Variants in COL5A1 observed in about 807,000 individuals in gnomAD.
COL5A1 encodes the protein collagen type V alpha 1 chain.
A neutral mutation model predicts 263.7 loss-of-function variants in COL5A1; 16 were observed. The ratio of observed to expected loss-of-function variants is 0.06; its 90% CI spans 0.04 to 0.09. The LOEUF (loss-of-function observed/expected upper bound fraction) is 0.09. Among genes scored for constraint, COL5A1 ranks in the 10% least tolerant of loss-of-function variants. The probability of loss-of-function intolerance (pLI) is 1.00; values close to 1 mark genes in which losing one functional copy is unlikely to be tolerated. For missense variants in COL5A1, 2,036 were observed against 2,540.5 expected, an observed-to-expected ratio of 0.80 and a Z score of 4.27; for synonymous variants, 1,012 against 1,004.5, an observed-to-expected ratio of 1.01 and a Z score of -0.14.
At chr9:134,736,338 G>C in intron 9 of COL5A1, among the ~76,000 whole-genome samples, 1 of 152,256 alleles carries the variant, frequency 6.6e-6, no homozygotes, top group East Asian at 1.9e-4. Context: ...GGGCCTTCTT[G>C]CTGTGTCCTC....
intron 18 of COL5A1, among the ~76,000 whole-genome samples, chr9:134,759,416 CACACTCATA>C (rs1836148179): frequency 2.1e-5 from 3 of 140,890 alleles, no homozygotes; most frequent in South Asian, 4.6e-4. Flanking sequence ...CACACACACC[CACACTCATA>C]CACACATGCA....
intron 7 of COL5A1, among the ~76,000 whole-genome samples, chr9:134,731,089 G>A (rs1198664001): frequency 1.3e-5 from 2 of 152,222 alleles, no homozygotes; most frequent in Non-Finnish European, 2.9e-5. Flanking sequence ...TGTAGCACAT[G>A]GCCGATGCTT....
chr9:134,764,650 C>T (rs758849706), intron 20 of COL5A1, among the ~76,000 whole-genome samples: 3 of 152,118 alleles, frequency 2.0e-5, no homozygotes, highest in Non-Finnish European at 4.4e-5. Context: ...AGCCCGGCTG[C>T]GTGCGTCAGG....
intron 4 of COL5A1, among the ~76,000 whole-genome samples, chr9:134,713,635 G>C (rs889912693): frequency 2.0e-5 from 3 of 152,238 alleles, no homozygotes; most frequent in African/African-American, 7.2e-5. Flanking sequence ...GCCAGGAGAA[G>C]CGGCAGTGAA....
chr9:134,824,628 T>C lies in COL5A1; in HGVS notation c.4727T>C (p.Leu1576Pro). 1 of 1,614,124 alleles carries C rather than the reference T, an allele frequency of 6.2e-7. No homozygotes were observed. The highest frequency in any genetic ancestry group is 8.5e-7 in the Non-Finnish European group (1 of 1,180,024). ...PGPPGEVIQP[L>P]PIQASRTRRN... ...CCCCCGGGAGAGGTCATCCAGCCCC[T>C]GCCAATCCAGGCATCCAGGACGCGG... is the stretch of plus-strand genomic sequence containing the variant. Residue 1576 changes from leucine to proline, a missense_variant, in exon 62 of 66, where the codon CTG (leucine) becomes CCG (proline). Coordinates refer to ENST00000371817, the MANE Select transcript of COL5A1 (RefSeq NM_000093.5).
chr9:134,688,275 G>A (rs1370170559), intron 1 of COL5A1, among the ~76,000 whole-genome samples: 1 of 152,152 alleles, frequency 6.6e-6, no homozygotes, highest in African/African-American at 2.4e-5. Context: ...AGAGCATCAC[G>A]GGCTTGTTAT....
chr9:134,716,981 TCG>T lies in COL5A1; in HGVS notation c.655-10284_655-10283del, dbSNP rs141413214. Among the ~76,000 whole-genome samples the T allele has an allele frequency of 8.2e-3, 1,250 of 152,164 alleles. 13 individuals are homozygous for T. Among genetic ancestry groups the T allele is most frequent in the African/African-American group, 0.028 (1,175 of 41,524 alleles). On this transcript the variant is annotated intron_variant, in intron 4 of 65. Transcript: ENST00000371817. The surrounding 1 kb of genome is among the most constrained non-coding windows in gnomAD (Gnocchi z 4.5). The stretch of plus-strand genomic sequence containing the variant: ...GACACTCTCGTTAATAGTGTGAAAC[TCG>T]TTCTCACAGGTGCTGTGAAAACCAT...
In COL5A1 at chr9:134,794,235, C is replaced by T. The variant is rs1032585006; in HGVS notation, c.2701-847C>T. On this transcript the variant is annotated intron_variant, in intron 32 of 65. Transcript: ENST00000371817. This position sits in a 1 kb window ranked among gnomAD's most constrained non-coding sequence, Gnocchi z 4.3. ...ACTCAGGAGGCTGAGGCAGGAGAAT[C>T]GCTTGAACCTGGGAGGCGGAGGTTG... is the stretch of plus-strand genomic sequence containing the variant. Among the ~76,000 whole-genome samples the T allele has an allele frequency of 3.3e-5, 5 of 151,850 alleles. No individual in the cohort carries two copies. The highest frequency in any genetic ancestry group is 2.1e-4 in the South Asian group (1 of 4,820).
chr9:134,763,779 G>C (rs368784912), intron 20 of COL5A1, 42 bp downstream of exon 20: 16 of 1,595,596 alleles, frequency 1.0e-5, no homozygotes, highest in Non-Finnish European at 1.3e-5. Context: ...GCTCAGTGTG[G>C]AGAAAGGCTT....
Position 134,796,350 on chromosome 9 carries a change from T to TC in COL5A1, c.2800-18dup, listed in dbSNP as rs749260939. On this transcript the variant is annotated intron_variant, in intron 34 of 65. Coordinates refer to ENST00000371817, the MANE Select transcript of COL5A1 (RefSeq NM_000093.5). ...CCAAATAATAACAATCATAAGCTTT[T>TC]CCCCCCTCTCCTTCCCTCTCAAGGG... The TC allele has an allele frequency of 3.1e-6, 5 of 1,612,640 alleles. No individual in the cohort carries two copies. The highest frequency in any genetic ancestry group is 2.2e-5 in the East Asian group (1 of 44,846).
intron 22 of COL5A1, 122 bp downstream of exon 22, chr9:134,766,620 C>T (rs1036635186): frequency 1.1e-5 from 11 of 1,027,568 alleles, no homozygotes; most frequent in African/African-American, 3.2e-5. Context: ...AGGTTGCAGA[C>T]CCTCTGCTGT....
At chr9:134,830,745 A>G (rs922482466) in intron 64 of COL5A1, among the ~76,000 whole-genome samples, 4 of 152,238 alleles carry the variant, frequency 2.6e-5, no homozygotes, top group African/African-American at 7.2e-5. Flanking sequence ...CATCCCTGAA[A>G]GGAAACGACA....
intron 1 of COL5A1, among the ~76,000 whole-genome samples, chr9:134,664,757 C>G (rs928997480): frequency 6.6e-6 from 1 of 152,184 alleles, no homozygotes; most frequent in Non-Finnish European, 1.5e-5. Context: ...AATATCTATC[C>G]AAGCATTAAA....
At chr9:134,782,626 C>G in intron 28 of COL5A1, 41 bp from the exon 29 acceptor site, 1 of 1,599,812 alleles carries the variant, frequency 6.3e-7, no homozygotes, top group Non-Finnish European at 8.6e-7. Flanking sequence ...GGAGGCGGGT[C>G]CTCTTGCCTA....
rs950449655 is a variant in COL5A1, at chr9:134,700,849, G to A, written c.492-322G>A. Among the ~76,000 whole-genome samples, 2 of 152,110 alleles carry A rather than the reference G, an allele frequency of 1.3e-5. No individual in the cohort carries two copies. The highest frequency in any genetic ancestry group is 2.4e-5 in the African/African-American group (1 of 41,418). On this transcript the variant is annotated intron_variant, in intron 3 of 65. Transcript: ENST00000371817. This position sits in a 1 kb window ranked among gnomAD's most constrained non-coding sequence, Gnocchi z 4.0. ...GCACCGCAGGGACCACGCTCCCAGG[G>A]ACCACACTCCTGGGTCCCGAGCCAG...
intron 42 of COL5A1, among the ~76,000 whole-genome samples, chr9:134,807,104 T>C (rs768734403): frequency 3.3e-5 from 5 of 152,210 alleles, no homozygotes; most frequent in African/African-American, 4.8e-5. Context: ...CGTATTTGGC[T>C]TCTGCCACAC....
chr9:134,761,914 T>C lies in COL5A1; in HGVS notation c.1936-11T>C. The C allele has an allele frequency of 6.2e-7, 1 of 1,613,172 alleles. No individual in the cohort carries two copies. On this transcript the variant is annotated splice_polypyrimidine_tract_variant and intron_variant, in intron 18 of 65. Transcript: ENST00000371817. Reference sequence around the variant, plus strand: ...TCAGGAGAGGCTGACGTTGACCCTTTCACTTCCTAGGGTGACCCTGGTCCT... The same window carrying C: ...TCAGGAGAGGCTGACGTTGACCCTTCCACTTCCTAGGGTGACCCTGGTCCT...
chr9:134,835,177 C>T lies in COL5A1; in HGVS notation c.5343C>T (p.Tyr1781=). The change falls in exon 65 of 66, where the codon TAC becomes TAT. Residue 1781 remains tyrosine, a synonymous_variant. Coordinates refer to ENST00000371817, the MANE Select transcript of COL5A1 (RefSeq NM_000093.5). The stretch of plus-strand genomic sequence containing the variant: ...AGATGTCCTATGACAACAACCCCTA[C>T]ATCCGCGCCCTGGTGGACGGCTGTG... ...DEEMSYDNNP[Y]IRALVDGCAT... is the part of the protein sequence containing the mutation. 2 of 1,613,784 alleles carry T rather than the reference C, an allele frequency of 1.2e-6. No individual in the cohort carries two copies. Among genetic ancestry groups the T allele is most frequent in the Non-Finnish European group, 1.7e-6 (2 of 1,180,024 alleles).
chr9:134,780,019 G>T, intron 27 of COL5A1, 83 bp from the exon 28 acceptor site: 1 of 1,506,274 alleles, frequency 6.6e-7, no homozygotes. Context: ...AGCGAGCTCA[G>T]CCTGTCTTGA....
Sources: allele counts gnomAD v4.1 joint callset (sites outside exome capture counted in the v4.1 genomes callset), GRCh38; gene constraint gnomAD v4.1.1; non-coding constraint Gnocchi (gnomAD v3.1); transcripts MANE v1.5; gene names NCBI Gene and HGNC (gene_info 2026-07-23, HGNC 2026-07-21).